The following SZRD1 variants were observed in gnomAD, a reference collection of about 807,000 sequenced individuals.
The protein encoded by SZRD1 is SUZ RNA binding domain containing 1, also known as SUZ RNA-binding domain-containing.
In SZRD1, 7 loss-of-function variants were observed where a neutral mutation model predicts 17.6. The observed-to-expected ratio is 0.40, with a 90% CI of 0.23 to 0.75. The LOEUF is 0.75. Among genes scored for constraint, SZRD1 ranks in the 30% least tolerant of loss-of-function variants. The probability of loss-of-function intolerance (pLI) is 0.38; values close to 1 mark genes in which losing one functional copy is unlikely to be tolerated. For synonymous variants in SZRD1, 77 were observed against 77.9 expected (o/e 0.99, Z 0.06); for missense variants, 178 against 201.8 (o/e 0.88, Z 0.71).
In SZRD1 at chr1:16,391,387, C is replaced by A. The variant is rs1265729268; in HGVS notation, c.64C>A (p.Arg22=). The change falls in exon 2 of 4, where the codon CGG becomes AGG. Residue 22 remains arginine (R), a synonymous_variant. Coordinates refer to ENST00000401088, the MANE Select transcript of SZRD1 (RefSeq NM_001114600.3). This position sits in a 1 kb window ranked among gnomAD's most constrained non-coding sequence, Gnocchi z 4.3. The part of the protein sequence containing the change: ...EAADSGEIDR[R]LEKKLKITQK... ...TTTTTTCCTCTAGGAAATAGACAGA[C>A]GGTTGGAAAAAAAACTGAAGATCAC... 5 of 1,547,468 alleles carry A rather than the reference C, an allele frequency of 3.2e-6. No individual in the cohort carries two copies. The Admixed American group carries it at 9.8e-5, about 30-fold the overall frequency.
At chr1:16,376,795 G>A (rs1422929671) in intron 1 of SZRD1, among the ~76,000 whole-genome samples, 1 of 128,440 alleles carries the variant, frequency 7.8e-6, no homozygotes, top group African/African-American at 2.9e-5. Flanking sequence ...GACACAGCGA[G>A]ACTCTGTCTC....
At chr1:16,369,450 G>T (rs2082874902) in intron 1 of SZRD1, 1 of 1,055,518 alleles carries the variant, frequency 9.5e-7, no homozygotes, top group Non-Finnish European at 1.5e-6. Flanking sequence ...CTTCTACGGG[G>T]TGAGTGCATT....
chr1:16,387,153 T>C, intron 1 of SZRD1: 1 of 384,020 alleles, frequency 2.6e-6, no homozygotes, highest in Non-Finnish European at 5.1e-6. Flanking sequence ...ATTAGTATTA[T>C]ATTACATGCC....
In SZRD1 at chr1:16,393,228, C is replaced by T. The variant is rs201316664; in HGVS notation, c.102C>T (p.Ser34=). ...EKKLKITQKE[S]RKSKSPPKVP... Reference sequence around the variant, plus strand: ...TGAAGCTGTGTTTGCTCTTTGTCAGCAGGAAATCCAAATCTCCTCCCAAAG... The same window carrying T: ...TGAAGCTGTGTTTGCTCTTTGTCAGTAGGAAATCCAAATCTCCTCCCAAAG... Residue 34 remains serine (S), a splice_region_variant and synonymous_variant, in exon 3 of 4, where the codon AGC becomes AGT. Transcript: ENST00000401088. This position sits in a 1 kb window ranked among gnomAD's most constrained non-coding sequence, Gnocchi z 5.6. The T allele has an allele frequency of 1.9e-5, 31 of 1,613,636 alleles. No homozygotes were observed. In the Admixed American group the frequency reaches 2.5e-4, roughly 13 times the overall value.
rs912050969 is a variant in SZRD1, at chr1:16,393,808, C to T, written c.356+326C>T. Among the ~76,000 whole-genome samples the T allele has an allele frequency of 5.3e-5, 8 of 152,138 alleles. No individual in the cohort carries two copies. Among genetic ancestry groups the T allele is most frequent in the African/African-American group, 1.7e-4 (7 of 41,430 alleles). On this transcript the variant is annotated intron_variant, in intron 3 of 3. Transcript: ENST00000401088. The surrounding 1 kb of genome is among the most constrained non-coding windows in gnomAD (Gnocchi z 5.6). ...TCTGCCTCTTACCTCTTCTTTAGAA[C>T]GACTTGACCTCTCTGGGCCTTAGTT...
Position 16,383,624 on chromosome 1 carries a change from T to C in SZRD1, c.52-7751T>C, listed in dbSNP as rs1054508923. On this transcript the variant is annotated intron_variant, in intron 1 of 3. Transcript: ENST00000401088. ...TTCTTTTCTTTCTTTCTTTTTTTCC[T>C]TTTTTTTTTTTTTTAGACAGAGTCT... Among the ~76,000 whole-genome samples the C allele has an allele frequency of 4.5e-4, 50 of 111,512 alleles. 1 individual carries two copies. The highest frequency in any genetic ancestry group is 9.5e-4 in the Non-Finnish European group (46 of 48,596). The allele number at this position is 111,512 out of a possible 152,430, so 73.2% of individuals were successfully genotyped here. A position where few individuals can be genotyped will look rare whatever the true frequency, so the allele number is the denominator to read the frequency against.
In SZRD1 at chr1:16,393,145, G is replaced by A. The variant is rs2085244892; in HGVS notation, c.102-83G>A. 1 of 1,526,360 alleles carries A rather than the reference G, an allele frequency of 6.6e-7. No homozygotes were observed. The highest frequency in any genetic ancestry group is 1.8e-5 in the Admixed American group (1 of 56,686). The allele number at this position is 1,526,360 out of a possible 1,614,324, so 94.6% of individuals were successfully genotyped here. ...GGTAGAATTAGGGAGGGAGAGGAAA[G>A]TGATGAGAGGTGGGTGTGGGACATG... On this transcript the variant is annotated intron_variant, in intron 2 of 3. Transcript: ENST00000401088. The surrounding 1 kb of genome is among the most constrained non-coding windows in gnomAD (Gnocchi z 5.6).
Position 16,377,562 on chromosome 1 carries a change from C to CAAAAAA in SZRD1, c.51+10268_51+10273dup, listed in dbSNP as rs34066824. ...ATCATGACAGAGACAGACTCTGTCT[C>CAAAAAA]AAAAAAAAAAAAAAAAAAAGCAAGA... On this transcript the variant is annotated intron_variant, in intron 1 of 3. Transcript: ENST00000401088. Among the ~76,000 whole-genome samples, 190 of 62,074 alleles carry CAAAAAA rather than the reference C, an allele frequency of 3.1e-3. 1 individual carries two copies. The highest frequency in any genetic ancestry group is 4.1e-3 in the Non-Finnish European group (131 of 31,782). 40.7% of individuals were successfully genotyped at this position (62,074 alleles called of 152,430 possible). A position where few individuals can be genotyped will look rare whatever the true frequency, so the allele number is the denominator to read the frequency against.
chr1:16,370,779 G>C (rs1241343463), intron 1 of SZRD1, among the ~76,000 whole-genome samples: 1 of 152,180 alleles, frequency 6.6e-6, no homozygotes, highest in East Asian at 1.9e-4. Context: ...TGGGATTATA[G>C]GCATGAGCCA....
intron 1 of SZRD1, among the ~76,000 whole-genome samples, chr1:16,383,425 G>C (rs959106155): frequency 6.6e-6 from 1 of 151,708 alleles, no homozygotes; most frequent in Non-Finnish European, 1.5e-5. Context: ...TTACTTTCTT[G>C]TCCAGGCTGG....
At chr1:16,383,434 G>A (rs1224793251) in intron 1 of SZRD1, among the ~76,000 whole-genome samples, 1 of 151,678 alleles carries the variant, frequency 6.6e-6, no homozygotes, top group Non-Finnish European at 1.5e-5. Context: ...TGTCCAGGCT[G>A]GTCTTGAACT....
At chr1:16,385,961 C>G (rs984897484) in intron 1 of SZRD1, among the ~76,000 whole-genome samples, 4 of 152,178 alleles carry the variant, frequency 2.6e-5, no homozygotes, top group African/African-American at 9.7e-5. Context: ...TTCCTGCCTC[C>G]GCTCTTTCCT....
intron 1 of SZRD1, among the ~76,000 whole-genome samples, chr1:16,389,283 G>C (rs1275929275): frequency 2.7e-5 from 4 of 147,058 alleles, no homozygotes; most frequent in Admixed American, 1.3e-4. Flanking sequence ...GGGTGGGGGG[G>C]GGGCAGAGTC....
In SZRD1 at chr1:16,396,283, C is replaced by G. The variant is rs2085310068; in HGVS notation, c.*1143C>G. On this transcript the variant is annotated 3_prime_UTR_variant, in exon 4 of 4. Transcript: ENST00000401088. ...CAGTGCTCCATCTCCATTGGTGGCC[C>G]CAGCTCAGTAACTATACCTGGTACA... The G allele has an allele frequency of 6.6e-6, 1 of 152,224 alleles. No individual in the cohort carries two copies. Among genetic ancestry groups the G allele is most frequent in the African/African-American group, 2.4e-5 (1 of 41,400 alleles). The allele number at this position is 152,224 out of a possible 1,614,324, so 9.4% of individuals were successfully genotyped here. A position where few individuals can be genotyped will look rare whatever the true frequency, so the allele number is the denominator to read the frequency against.
Position 16,391,318 on chromosome 1 carries a change from TAA to T in SZRD1, c.52-56_52-55del, listed in dbSNP as rs1158250218. 1 of 1,318,620 alleles carries T rather than the reference TAA, an allele frequency of 7.6e-7. No homozygotes were observed. Among genetic ancestry groups the T allele is most frequent in the Non-Finnish European group, 1.1e-6 (1 of 940,700 alleles). 81.7% of individuals were successfully genotyped at this position (1,318,620 alleles called of 1,614,324 possible). A position where few individuals can be genotyped will look rare whatever the true frequency, so the allele number is the denominator to read the frequency against. On this transcript the variant is annotated intron_variant, in intron 1 of 3. Transcript: ENST00000401088. The surrounding 1 kb of genome is among the most constrained non-coding windows in gnomAD (Gnocchi z 4.3). ...TGCCCTTAGCTCCAAAAATAAAGAC[TAA>T]GTTTTTATTTGAGAGAGATTTTTTC...
chr1:16,385,661 A>G (rs2083176660), intron 1 of SZRD1, among the ~76,000 whole-genome samples: 1 of 152,104 alleles, frequency 6.6e-6, no homozygotes, highest in Non-Finnish European at 1.5e-5. Flanking sequence ...TTGTGACAGT[A>G]ACAAACTGGG....
chr1:16,387,816 T>G (rs569008963), intron 1 of SZRD1: 1 of 402,822 alleles, frequency 2.5e-6, no homozygotes, highest in African/African-American at 2.1e-5. Context: ...TAGACTAATA[T>G]GAGCTGTAGT....
At chr1:16,379,961 C>T (rs961534942) in intron 1 of SZRD1, among the ~76,000 whole-genome samples, 1 of 152,066 alleles carries the variant, frequency 6.6e-6, no homozygotes, top group Non-Finnish European at 1.5e-5. Flanking sequence ...AGGGCTTCAC[C>T]ATGTTGGCCA....
intron 1 of SZRD1, among the ~76,000 whole-genome samples, chr1:16,377,032 G>C (rs1277653453): frequency 6.6e-6 from 1 of 152,052 alleles, no homozygotes; most frequent in Non-Finnish European, 1.5e-5. Flanking sequence ...GCTCTCTGCT[G>C]TCCTCTCCTC....
Sources: gnomAD v4.1 joint callset for allele counts (sites outside exome capture counted in the v4.1 genomes callset) on GRCh38, gnomAD v4.1.1 for gene constraint, Gnocchi (gnomAD v3.1) non-coding constraint, MANE v1.5 for transcripts, NCBI Gene and HGNC (gene_info 2026-07-23, HGNC 2026-07-21) for gene names.